Variants in AWAT1 observed in about 807,000 individuals in gnomAD.
AWAT1 encodes the protein diacyl-glycerol acyltransferase 2.
A neutral mutation model predicts 21.6 loss-of-function variants in AWAT1; 26 were observed. The ratio of observed to expected loss-of-function variants is 1.20; its 90% CI spans 0.88 to 1.67. The LOEUF (loss-of-function observed/expected upper bound fraction) is 1.67, where lower values mean the gene tolerates loss of function less well. Among genes scored for constraint, AWAT1 ranks in the 40% most tolerant of loss-of-function variants. The pLI is 0.00. For missense variants in AWAT1, 264 were observed against 249.4 expected (o/e 1.06, Z -0.39); for synonymous variants, 102 against 99.3 (o/e 1.03, Z -0.16).
Position 70,236,114 on chromosome X carries a change from A to T in AWAT1, c.230A>T (p.His77Leu). Residue 77 changes from histidine (H) to leucine (L), a missense_variant, in exon 3 of 7, where the codon CAC (histidine) becomes CTC (leucine). Coordinates refer to ENST00000374521, the MANE Select transcript of AWAT1 (RefSeq NM_001013579.3). ...AWVRNWCVWT[H>L]IRDYFPITIL... ...GTAAGGAACTGGTGTGTCTGGACCC[A>T]CATCAGGGACTATTTCCCCATTACG... The T allele has an allele frequency of 8.3e-7, 1 of 1,210,881 alleles. No individual in the cohort carries two copies. Among genetic ancestry groups the T allele is most frequent in the Non-Finnish European group, 1.1e-6 (1 of 894,633 alleles).
rs753483979 is a variant in AWAT1, at chrX:70,234,688, C to T, written c.-8C>T. On this transcript the variant is annotated 5_prime_UTR_variant, in exon 1 of 7. Transcript: ENST00000374521. The stretch of plus-strand genomic sequence containing the variant: ...GAGATCTTTGCCTCCCTCAGGCTCC[C>T]GAGAATCATGGCTCATTCCAAGCAG... 99 of 1,206,280 alleles carry T rather than the reference C, an allele frequency of 8.2e-5. No homozygotes were observed. Among genetic ancestry groups the T allele is most frequent in the Non-Finnish European group, 1.1e-4 (96 of 892,599 alleles).
At position 70,240,149 on chromosome X, in the gene AWAT1, G is replaced by T. The variant is rs200229235; in HGVS notation, c.846G>T (p.Leu282=). Residue 282 remains leucine, a synonymous_variant, in exon 7 of 7, where the codon CTG becomes CTT. Coordinates refer to ENST00000374521, the MANE Select transcript of AWAT1 (RefSeq NM_001013579.3). The part of the protein sequence containing the change: ...RPIVTVVGEP[L]PLPQIEKPSQ... The stretch of plus-strand genomic sequence containing the variant: ...CTCTCTTGGCAGTTGGGGAGCCTCT[G>T]CCACTGCCCCAAATTGAAAAGCCAA... The T allele has an allele frequency of 2.6e-4, 311 of 1,209,346 alleles. 2 individuals carry two copies. Among genetic ancestry groups the T allele is most frequent in the Non-Finnish European group, 5.0e-5 (45 of 894,954 alleles).
intron 4 of AWAT1, 43 bp from the exon 5 acceptor site, chrX:70,238,169 A>G (rs1467864063): frequency 8.6e-7 from 1 of 1,160,453 alleles, no homozygotes; most frequent in Non-Finnish European, 1.2e-6. Flanking sequence ...CCTCTTAGCA[A>G]TTTTCTCCTC....
At chrX:70,239,245 A>G in intron 5 of AWAT1, among the ~76,000 whole-genome samples, 1 of 112,553 alleles carries the variant, frequency 8.9e-6, no homozygotes, top group Non-Finnish European at 1.9e-5. Flanking sequence ...CAGTAAGGTA[A>G]CATATGTCAA....
In AWAT1 at chrX:70,236,138, C is replaced by T. The variant is rs1193140346; in HGVS notation, c.254C>T (p.Thr85Met). 8.3e-6 allele frequency: 10 copies of T among 1,202,338 alleles called. No individual in the cohort carries two copies. The highest frequency in any genetic ancestry group is 3.5e-5 in the African/African-American group (2 of 57,100). The change falls in exon 3 of 7, where the codon ACG becomes ATG. Residue 85 changes from threonine (T) to methionine (M), a missense_variant and splice_region_variant. Transcript: ENST00000374521. The stretch of plus-strand genomic sequence containing the variant: ...CACATCAGGGACTATTTCCCCATTA[C>T]GGTAAGTATCTCTTCCCCAGTGTCC... Reference protein sequence around the residue: ...WTHIRDYFPITILKTKDLSPE... With the variant: ...WTHIRDYFPIMILKTKDLSPE...
chrX:70,240,087 G>C lies in AWAT1; in HGVS notation c.833-49G>C, dbSNP rs752184357. ...AGGTAGGAGAGGGAGGTTAAAGGAAGAGGAGGTCCTAACACTTTCCTCTTC... is the reference window on the plus strand; with the variant it reads ...AGGTAGGAGAGGGAGGTTAAAGGAACAGGAGGTCCTAACACTTTCCTCTTC... On this transcript the variant is annotated intron_variant, in intron 6 of 6. Transcript: ENST00000374521. The C allele has an allele frequency of 5.1e-5, 61 of 1,186,647 alleles. No individual in the cohort carries two copies. The Admixed American group carries it at 1.4e-3, about 27-fold the overall frequency.
chrX:70,237,919 GAA>G (rs375070493), intron 4 of AWAT1, among the ~76,000 whole-genome samples: 7 of 83,441 alleles, frequency 8.4e-5, no homozygotes, highest in Non-Finnish European at 9.4e-5. Context: ...TGCTCTTAAT[GAA>G]AAAAAAAAAA....
intron 4 of AWAT1, 86 bp downstream of exon 4, chrX:70,237,334 C>T (rs939881040): frequency 6.0e-6 from 5 of 836,689 alleles, no homozygotes; most frequent in East Asian, 3.4e-5. Context: ...CTCCTCCCCC[C>T]ACCCGCCCCC....
chrX:70,237,334 C>A (rs939881040), intron 4 of AWAT1, 86 bp downstream of exon 4: 4 of 839,673 alleles, frequency 4.8e-6, no homozygotes, highest in Non-Finnish European at 6.8e-6. Flanking sequence ...CTCCTCCCCC[C>A]ACCCGCCCCC....
chrX:70,235,740 T>C lies in AWAT1; in HGVS notation c.101T>C (p.Val34Ala). The change falls in exon 2 of 7, where the codon GTC (valine) becomes GCC (alanine). Residue 34 changes from valine (V) to alanine (A), a missense_variant. By Grantham distance (64) the Val-to-Ala change is moderately conservative (BLOSUM62 0). Transcript: ENST00000374521. ...AIFWILQPLF[V>A]YLLFTSLWPL... ...GTTTGGATCTTGCAGCCATTGTTCGTCTACCTGCTGTTTACATCCTTGTGG... is the reference window on the plus strand; with the variant it reads ...GTTTGGATCTTGCAGCCATTGTTCGCCTACCTGCTGTTTACATCCTTGTGG... The C allele has an allele frequency of 1.7e-6, 2 of 1,210,964 alleles. No homozygotes were observed. Among genetic ancestry groups the C allele is most frequent in the Non-Finnish European group, 2.2e-6 (2 of 894,941 alleles).
chrX:70,239,264 G>C (rs1307189477), intron 5 of AWAT1, among the ~76,000 whole-genome samples: 1 of 112,558 alleles, frequency 8.9e-6, no homozygotes, highest in Non-Finnish European at 1.9e-5. Flanking sequence ...AAAGTGCTGA[G>C]AGATTGTTAT....
chrX:70,237,095 C>T lies in AWAT1; in HGVS notation c.307C>T (p.His103Tyr), dbSNP rs773094163. 5.0e-6 allele frequency: 6 copies of T among 1,204,781 alleles called. No individual in the cohort carries two copies. In the African/African-American group the frequency reaches 1.1e-4, roughly 21 times the overall value. ...TGAGCACAACTACCTCATGGGGGTT[C>T]ACCCCCATGGCCTCCTGACCTTTGG... Reference protein sequence around the residue: ...SPEHNYLMGVHPHGLLTFGAF... With the variant: ...SPEHNYLMGVYPHGLLTFGAF... The change falls in exon 4 of 7, where the codon CAC becomes TAC. Residue 103 changes from histidine to tyrosine, a missense_variant. Coordinates refer to ENST00000374521, the MANE Select transcript of AWAT1 (RefSeq NM_001013579.3).
chrX:70,235,644 G>A (rs1847331666), intron 1 of AWAT1, 72 bp from the exon 2 acceptor site: 1 of 734,109 alleles, frequency 1.4e-6, no homozygotes, highest in Non-Finnish European at 2.2e-6. Flanking sequence ...AATGTGGAGA[G>A]CTGGTGATGG....
At chrX:70,238,507 T>C (rs1426639405) in intron 5 of AWAT1, 124 bp downstream of exon 5, 13 of 768,307 alleles carry the variant, frequency 1.7e-5, no homozygotes, top group Non-Finnish European at 1.1e-5. Flanking sequence ...GTAAGAAAAA[T>C]GGGTCATCCA....
rs191188465 is a variant in AWAT1, at chrX:70,240,121, G to A, written c.833-15G>A. The A allele has an allele frequency of 1.3e-4, 162 of 1,206,236 alleles. No individual in the cohort carries two copies. In the African/African-American group the frequency reaches 1.9e-3, roughly 14 times the overall value. On this transcript the variant is annotated splice_polypyrimidine_tract_variant and intron_variant, in intron 6 of 6. Transcript: ENST00000374521. ...CTAACACTTTCCTCTTCTCTTTTCC[G>A]ATCTCTCTTGGCAGTTGGGGAGCCT...
intron 3 of AWAT1, among the ~76,000 whole-genome samples, chrX:70,236,575 T>A (rs1021205309): frequency 1.8e-5 from 2 of 111,422 alleles, no homozygotes; most frequent in Non-Finnish European, 3.8e-5. Flanking sequence ...CATGGTGATA[T>A]CTTAGCAGGG....
At chrX:70,238,870 C>T (rs2085526350) in intron 5 of AWAT1, among the ~76,000 whole-genome samples, 5 of 112,243 alleles carry the variant, frequency 4.5e-5, no homozygotes, top group Admixed American at 3.8e-4. Flanking sequence ...TGAATTTATC[C>T]CCACAAAACA....
Position 70,235,745 on chromosome X carries a change from C to A in AWAT1, c.106C>A (p.Leu36Met). The change falls in exon 2 of 7, where the codon CTG becomes ATG. Residue 36 changes from leucine to methionine, a missense_variant. Physicochemically the swap from Leu to Met is conservative, Grantham distance 15 (BLOSUM62 2). Coordinates refer to ENST00000374521, the MANE Select transcript of AWAT1 (RefSeq NM_001013579.3). ...GATCTTGCAGCCATTGTTCGTCTAC[C>A]TGCTGTTTACATCCTTGTGGCCGCT... is the stretch of plus-strand genomic sequence containing the variant. ...FWILQPLFVY[L>M]LFTSLWPLPV... 1 of 1,210,919 alleles carries A rather than the reference C, an allele frequency of 8.3e-7. No homozygotes were observed. The highest frequency in any genetic ancestry group is 1.1e-6 in the Non-Finnish European group (1 of 894,986).
rs187225340 is a variant in AWAT1, at chrX:70,235,377, A to T, written c.77-339A>T. The stretch of plus-strand genomic sequence containing the variant: ...CTAGTGGCTTAACGAGGGATGACGG[A>T]TAGGGAGGGAGACAGGAGACAAGAG... On this transcript the variant is annotated intron_variant, in intron 1 of 6. Coordinates refer to ENST00000374521, the MANE Select transcript of AWAT1 (RefSeq NM_001013579.3). 5.4e-5 allele frequency among the ~76,000 whole-genome samples: 6 copies of T among 110,384 alleles called. No individual in the cohort carries two copies. In the East Asian group the frequency reaches 1.7e-3, roughly 31 times the overall value.
Sources: gnomAD v4.1 joint callset for allele counts (sites outside exome capture counted in the v4.1 genomes callset) on GRCh38, gnomAD v4.1.1 for gene constraint, MANE v1.5 for transcripts, NCBI Gene and HGNC (gene_info 2026-07-23, HGNC 2026-07-21) for gene names.